C20orf96: variants seen among roughly 807,000 people sequenced by gnomAD.
C20orf96 encodes uncharacterized protein C20orf96.
Under a neutral mutation model 52.6 loss-of-function variants are expected in C20orf96, and 57 were observed. The observed-to-expected ratio is 1.08, with a 90% CI of 0.88 to 1.35. C20orf96 has a LOEUF of 1.35. C20orf96 is among the 40% of genes most tolerant of loss of function. C20orf96 has a pLI of 0.00. For missense variants in C20orf96, 478 were observed against 443.6 expected (o/e 1.08, Z -0.70); for synonymous variants, 168 against 157.2 (o/e 1.07, Z -0.51).
chr20:284,498 G>A (rs2012332313), intron 3 of C20orf96, among the ~76,000 whole-genome samples: 1 of 152,242 alleles, frequency 6.6e-6, no homozygotes, highest in African/African-American at 2.4e-5. Context: ...AACCTGGCTG[G>A]CAGAAGGCCT....
At position 279,161 on chromosome 20, in the gene C20orf96, GC is replaced by G; in HGVS notation, c.465+10del. 6.3e-7 allele frequency: 1 copy of G among 1,578,500 alleles called. No homozygotes were observed. Among genetic ancestry groups the G allele is most frequent in the South Asian group, 1.1e-5 (1 of 89,300 alleles). ...GAGGGACGGAGGGCGGGCGGATGCC[GC>G]GGGTCTCACCGCCAGGGTGTCCTGC... On this transcript the variant is annotated intron_variant, in intron 5 of 10. Coordinates refer to ENST00000360321, the MANE Select transcript of C20orf96 (RefSeq NM_153269.3).
chr20:277,015 C>G (rs1334672879), intron 8 of C20orf96, 29 bp downstream of exon 8: 1 of 1,605,946 alleles, frequency 6.2e-7, no homozygotes, highest in Non-Finnish European at 8.5e-7. Context: ...ACCTGGATCC[C>G]CGCTCCCACA....
intron 4 of C20orf96, among the ~76,000 whole-genome samples, chr20:281,700 C>A (rs941890620): frequency 6.6e-6 from 1 of 152,060 alleles, no homozygotes; most frequent in Non-Finnish European, 1.5e-5. Flanking sequence ...GGACAGCAGT[C>A]GGGCACAGTG....
chr20:288,174 C>CTTTTTCT (rs760222046), intron 3 of C20orf96, among the ~76,000 whole-genome samples: 6 of 66,040 alleles, frequency 9.1e-5, no homozygotes, highest in African/African-American at 2.5e-4. Context: ...TTTTCTTTTT[C>CTTTTTCT]TTTTTTTTTT....
Position 290,245 on chromosome 20 carries a change from C to G in C20orf96, c.69+14G>C, listed in dbSNP as rs145925101. On this transcript the variant is annotated intron_variant, in intron 2 of 10. Transcript: ENST00000360321. The stretch of plus-strand genomic sequence containing the variant: ...GCGAGCCTCCCACCCCAGCCCTAGT[C>G]CCCCAAGACTCACCGGAACCTGGAA... The G allele has an allele frequency of 1.9e-5, 31 of 1,606,550 alleles. No homozygotes were observed. The highest frequency in any genetic ancestry group is 2.6e-5 in the Non-Finnish European group (31 of 1,174,694).
intron 10 of C20orf96, among the ~76,000 whole-genome samples, chr20:274,511 G>A (rs1254389955): frequency 2.0e-5 from 3 of 152,166 alleles, no homozygotes; most frequent in African/African-American, 4.8e-5. Flanking sequence ...GGCCAACACA[G>A]TCTCTAAAAT....
intron 9 of C20orf96, chr20:276,308 G>A: frequency 1.0e-6 from 1 of 985,438 alleles, no homozygotes; most frequent in Non-Finnish European, 1.2e-6. Context: ...GAGGGATCAT[G>A]GAGAATGGAG....
At chr20:277,650 G>C (rs577780739) in intron 6 of C20orf96, among the ~76,000 whole-genome samples, 5 of 152,334 alleles carry the variant, frequency 3.3e-5, no homozygotes, top group African/African-American at 4.8e-5. Context: ...CCACTGACTT[G>C]CCGGGTGGCT....
chr20:274,746 C>G (rs1473468886), intron 10 of C20orf96, among the ~76,000 whole-genome samples: 1 of 152,146 alleles, frequency 6.6e-6, no homozygotes. Context: ...AATGTCACAT[C>G]CTCAGGAAAA....
intron 5 of C20orf96, 90 bp from the exon 6 acceptor site, chr20:278,519 C>A (rs1275260715): frequency 1.5e-5 from 13 of 883,266 alleles, no homozygotes; most frequent in Admixed American, 7.0e-5. Context: ...TCCCCAGTCC[C>A]AACCTCACTC....
At position 274,801 on chromosome 20, in the gene C20orf96, T is replaced by C. The variant is rs1309746067; in HGVS notation, c.1031+1167A>G. Among the ~76,000 whole-genome samples, 15 of 148,818 alleles carry C rather than the reference T, an allele frequency of 1.0e-4. No homozygotes were observed. In the Admixed American group the frequency reaches 1.0e-3, roughly 10 times the overall value. On this transcript the variant is annotated intron_variant, in intron 10 of 10. Coordinates refer to ENST00000360321, the MANE Select transcript of C20orf96 (RefSeq NM_153269.3). ...CTTGCTGTCCTAACAGTTGCTTTCT[T>C]TTTTCTTTTTTTTTTAATTAAAAAA... is the stretch of plus-strand genomic sequence containing the variant.
intron 10 of C20orf96, among the ~76,000 whole-genome samples, chr20:274,336 G>A (rs2122232702): frequency 6.6e-6 from 1 of 152,228 alleles, no homozygotes; most frequent in East Asian, 1.9e-4. Context: ...AATGGTGAGT[G>A]TGAGGAGAGG....
chr20:287,658 G>A (rs6082236), intron 3 of C20orf96, among the ~76,000 whole-genome samples: 4,953 of 152,240 alleles, frequency 0.033, 107 homozygotes, highest in Non-Finnish European at 0.048. Context: ...GCCAGGTGCA[G>A]TGGCTCTCAC....
intron 6 of C20orf96, 72 bp from the exon 7 acceptor site, chr20:277,455 G>T: frequency 1.9e-6 from 3 of 1,539,086 alleles, no homozygotes; most frequent in Non-Finnish European, 2.6e-6. Context: ...GCCCCAGGAG[G>T]CCCAGGAGGC....
chr20:275,114 GC>G (rs2011976027), intron 10 of C20orf96, among the ~76,000 whole-genome samples: 1 of 152,220 alleles, frequency 6.6e-6, no homozygotes, highest in South Asian at 2.1e-4. Flanking sequence ...ACTGCACCCA[GC>G]TCCTAAGAGT....
At chr20:277,176 A>T (rs958558154) in intron 7 of C20orf96, 31 bp from the exon 8 acceptor site, 1 of 1,613,396 alleles carries the variant, frequency 6.2e-7, no homozygotes, top group Non-Finnish European at 8.5e-7. Context: ...GTTGGTCACC[A>T]GTCCTGCCTC....
chr20:290,688 T>C lies in C20orf96; in HGVS notation c.-78A>G. Reference sequence around the variant, plus strand: ...TAACTACTCGGCTTTTCCAACTTCCTTGTCTCAGTGTAGATCGCGCGGTAA... The same window carrying C: ...TAACTACTCGGCTTTTCCAACTTCCCTGTCTCAGTGTAGATCGCGCGGTAA... On this transcript the variant is annotated 5_prime_UTR_variant, in exon 1 of 11. Transcript: ENST00000360321. 1 of 1,581,658 alleles carries C rather than the reference T, an allele frequency of 6.3e-7. No homozygotes were observed. Among genetic ancestry groups the C allele is most frequent in the Non-Finnish European group, 8.7e-7 (1 of 1,154,050 alleles).
intron 3 of C20orf96, 38 bp from the exon 4 acceptor site, chr20:284,119 G>A (rs1430986462): frequency 6.4e-7 from 1 of 1,551,958 alleles, no homozygotes; most frequent in Non-Finnish European, 8.9e-7. Context: ...GAGAGTGAGG[G>A]TCCCGGAAGG....
Position 271,238 on chromosome 20 carries a change from T to C in C20orf96, c.1061A>G (p.Asn354Ser), listed in dbSNP as rs1202832925. 21 of 1,556,586 alleles carry C rather than the reference T, an allele frequency of 1.3e-5. No individual in the cohort carries two copies. The highest frequency in any genetic ancestry group is 2.4e-5 in the East Asian group (1 of 41,586). The change falls in exon 11 of 11, where the codon AAC (asparagine) becomes AGC (serine). Residue 354 changes from asparagine to serine, a missense_variant. Coordinates refer to ENST00000360321, the MANE Select transcript of C20orf96 (RefSeq NM_153269.3). Reference protein sequence around the residue: ...KCTPDMDVILNIPVEEPLPF With the variant: ...KCTPDMDVILSIPVEEPLPF ...GGGTAGTGGCTCTTCCACAGGAATG[T>C]TGAGGATGACATCCATGTCTGGGGT...
Sources: gnomAD v4.1 joint callset for allele counts (sites outside exome capture counted in the v4.1 genomes callset) on GRCh38, gnomAD v4.1.1 for gene constraint, MANE v1.5 for transcripts, NCBI Gene and HGNC (gene_info 2026-07-23, HGNC 2026-07-21) for gene names.